The following LGSN variants were observed in gnomAD, a reference collection of about 807,000 sequenced individuals.
LGSN encodes the protein lengsin.
Under a neutral mutation model 19.5 loss-of-function variants are expected in LGSN, and 21 were observed. The observed-to-expected ratio is 1.07, with a 90% confidence interval of 0.76 to 1.55. The LOEUF (loss-of-function observed/expected upper bound fraction) is 1.55, where lower values mean the gene tolerates loss of function less well. LGSN is among the 40% of genes most tolerant of loss of function. The pLI, the probability that LGSN is intolerant of heterozygous loss-of-function variation, is 0.00. For synonymous variants in LGSN, 257 were observed against 215.6 expected, an observed-to-expected ratio of 1.19 and a Z score of -1.68; for missense variants, 673 against 608.5, an observed-to-expected ratio of 1.11 and a Z score of -1.12.
At chr6:63,548,765 A>G in the LGSN span, 2 of 705,066 alleles carry the variant, frequency 2.8e-6, no homozygotes, top group South Asian at 3.1e-5. Flanking sequence ...TGCCAATGCA[A>G]GCCACAGACT....
chr6:63,525,874 C>T, the LGSN span, among the ~76,000 whole-genome samples: 1 of 152,130 alleles, frequency 6.6e-6, no homozygotes, highest in Non-Finnish European at 1.5e-5. Context: ...CTGACTGATA[C>T]AAATGTTAAT....
the LGSN span, among the ~76,000 whole-genome samples, chr6:63,482,985 G>A: frequency 4.6e-5 from 7 of 152,166 alleles, no homozygotes; most frequent in Non-Finnish European, 7.3e-5. Context: ...ACAGGCGTGA[G>A]CCACCATGCC....
chr6:63,560,240 A>T, the LGSN span, among the ~76,000 whole-genome samples: 1 of 149,336 alleles, frequency 6.7e-6, no homozygotes. Context: ...TGGGAGGCTG[A>T]GGCAGGAGAA....
At chr6:63,344,591 A>G in the LGSN span, among the ~76,000 whole-genome samples, 1 of 152,138 alleles carries the variant, frequency 6.6e-6, no homozygotes, top group South Asian at 2.1e-4. Context: ...ATTCTAGAGG[A>G]AAGCAGTTCT....
the LGSN span, among the ~76,000 whole-genome samples, chr6:63,434,763 G>C: frequency 6.6e-6 from 1 of 152,058 alleles, no homozygotes; most frequent in African/African-American, 2.4e-5. Context: ...GCCTCCCATT[G>C]GCCAAGCCCA....
intron 1 of LGSN, among the ~76,000 whole-genome samples, chr6:63,314,194 A>G (rs568189508): frequency 6.6e-6 from 1 of 152,272 alleles, no homozygotes; most frequent in South Asian, 2.1e-4. Flanking sequence ...TCGAGAGGTG[A>G]TTAGGTCATG....
At chr6:63,554,490 A>G in the LGSN span, among the ~76,000 whole-genome samples, 4 of 152,116 alleles carry the variant, frequency 2.6e-5, no homozygotes, top group African/African-American at 9.7e-5. Context: ...ATAGCACACA[A>G]TAAGGAACAC....
chr6:63,444,291 G>T, the LGSN span, among the ~76,000 whole-genome samples: 1 of 152,164 alleles, frequency 6.6e-6, no homozygotes, highest in Non-Finnish European at 1.5e-5. Context: ...AACTGGCAAG[G>T]GATGGAGCTG....
At chr6:63,368,872 T>C in the LGSN span, among the ~76,000 whole-genome samples, 2 of 152,220 alleles carry the variant, frequency 1.3e-5, no homozygotes, top group East Asian at 3.8e-4. Flanking sequence ...CCATCAGTAT[T>C]CCTCTATTTC....
At chr6:63,507,356 A>G in the LGSN span, among the ~76,000 whole-genome samples, 5 of 152,220 alleles carry the variant, frequency 3.3e-5, no homozygotes, top group Admixed American at 6.5e-5. Context: ...GGTGCTACAG[A>G]GACAGATGAC....
the LGSN span, among the ~76,000 whole-genome samples, chr6:63,536,844 C>A: frequency 3.9e-5 from 6 of 151,948 alleles, no homozygotes; most frequent in Non-Finnish European, 8.8e-5. Flanking sequence ...ATAGTCTTAG[C>A]AGCATAGTCT....
At chr6:63,424,755 T>C in the LGSN span, among the ~76,000 whole-genome samples, 1 of 151,822 alleles carries the variant, frequency 6.6e-6, no homozygotes, top group South Asian at 2.1e-4. Context: ...CTACAAAAAG[T>C]TTAAAAATTA....
At chr6:63,329,165 C>T in the LGSN span, among the ~76,000 whole-genome samples, 4 of 152,156 alleles carry the variant, frequency 2.6e-5, no homozygotes, top group African/African-American at 4.8e-5. Flanking sequence ...GACCAGAGTG[C>T]CTGGACTTGA....
At chr6:63,418,568 A>G in the LGSN span, among the ~76,000 whole-genome samples, 1 of 152,234 alleles carries the variant, frequency 6.6e-6, no homozygotes, top group African/African-American at 2.4e-5. Context: ...TCAAATAAAA[A>G]ATAAAAATAA....
chr6:63,539,016 C>G, the LGSN span, among the ~76,000 whole-genome samples: 7 of 152,106 alleles, frequency 4.6e-5, no homozygotes, highest in African/African-American at 1.7e-4. Context: ...CCTCAGCTTC[C>G]CACATAGCTG....
chr6:63,280,396 T>C lies in LGSN; in HGVS notation c.1155A>G (p.Gly385=). Residue 385 remains glycine, a synonymous_variant, in exon 4 of 4, where the codon GGA becomes GGG. Transcript: ENST00000370657. The part of the protein sequence containing the change: ...DLKKSVPTTW[G]YNDNSCIFNI... ...TAAATATACAGCTGTTGTCATTGTATCCCCATGTTGTAGGCACACTCTTCT... is the reference window on the plus strand; with the variant it reads ...TAAATATACAGCTGTTGTCATTGTACCCCCATGTTGTAGGCACACTCTTCT... The C allele has an allele frequency of 6.2e-7, 1 of 1,614,124 alleles. No individual in the cohort carries two copies. The highest frequency in any genetic ancestry group is 8.5e-7 in the Non-Finnish European group (1 of 1,180,036).
the LGSN span, among the ~76,000 whole-genome samples, chr6:63,438,941 C>T: frequency 6.6e-6 from 1 of 152,194 alleles, no homozygotes; most frequent in Admixed American, 6.5e-5. Context: ...ATAGCAAAGA[C>T]TTGGGACCAA....
chr6:63,332,091 A>T, the LGSN span, among the ~76,000 whole-genome samples: 4 of 152,190 alleles, frequency 2.6e-5, no homozygotes, highest in African/African-American at 9.6e-5. Context: ...AGCTTCAGGA[A>T]TAGCTTTTGT....
At chr6:63,481,747 G>A in the LGSN span, 2 of 246,626 alleles carry the variant, frequency 8.1e-6, no homozygotes, top group South Asian at 5.2e-5. Flanking sequence ...ACTAGTTACA[G>A]TGGGATACGG....
Sources: gnomAD v4.1 joint callset for allele counts (sites outside exome capture counted in the v4.1 genomes callset) on GRCh38, gnomAD v4.1.1 for gene constraint, MANE v1.5 for transcripts, NCBI Gene and HGNC (gene_info 2026-07-23, HGNC 2026-07-21) for gene names.